Variants in EIF4G3 observed in about 807,000 individuals in gnomAD.
EIF4G3 encodes eukaryotic translation initiation factor 4 gamma 3.
Under a neutral mutation model 186.4 loss-of-function variants are expected in EIF4G3, and 34 were observed. The ratio of observed to expected loss-of-function variants is 0.18; its 90% CI spans 0.14 to 0.24. The LOEUF (loss-of-function observed/expected upper bound fraction) is 0.24, where lower values mean the gene tolerates loss of function less well. EIF4G3 is among the 10% of genes least tolerant of loss of function. The pLI is 1.00. For missense variants in EIF4G3, 1,536 were observed against 1,948.5 expected, an observed-to-expected ratio of 0.79 and a Z score of 3.99; for synonymous variants, 673 against 679.5, an observed-to-expected ratio of 0.99 and a Z score of 0.15.
In EIF4G3 at chr1:20,941,661, G is replaced by A. The variant is rs774669063; in HGVS notation, c.1493C>T (p.Pro498Leu). The A allele has an allele frequency of 3.0e-5, 49 of 1,613,722 alleles. No homozygotes were observed. Among genetic ancestry groups the A allele is most frequent in the Non-Finnish European group, 3.6e-5 (42 of 1,179,946 alleles). ...VPAAATTVSS[P>L]SAAITVQRVL... ...TCTCTGGACTGTGATGGCAGCACTC[G>A]GAGAACTAACAGTAGTGGCAGCAGC... The change falls in exon 14 of 37, where the codon CCG becomes CTG. Residue 498 changes from proline (P) to leucine (L), a missense_variant. Coordinates refer to ENST00000602326, the MANE Select transcript of EIF4G3 (RefSeq NM_001391906.1).
chr1:20,830,372 T>C (rs1224423721), intron 30 of EIF4G3, among the ~76,000 whole-genome samples: 1 of 152,246 alleles, frequency 6.6e-6, no homozygotes, highest in Non-Finnish European at 1.5e-5. Context: ...TCATGAATCC[T>C]TAATTCCAAC....
intron 14 of EIF4G3, among the ~76,000 whole-genome samples, chr1:20,911,389 G>T (rs1330147745): frequency 6.6e-6 from 1 of 151,486 alleles, no homozygotes; most frequent in African/African-American, 2.4e-5. Flanking sequence ...GCAAAAAAGT[G>T]AGACCTCTAC....
At chr1:20,928,325 A>C (rs1398264790) in intron 14 of EIF4G3, among the ~76,000 whole-genome samples, 3 of 152,274 alleles carry the variant, frequency 2.0e-5, no homozygotes, top group East Asian at 3.9e-4. Context: ...GTTCTTGTTG[A>C]AATTTACTTC....
chr1:21,101,224 C>T (rs2096511149), intron 2 of EIF4G3, among the ~76,000 whole-genome samples: 1 of 152,044 alleles, frequency 6.6e-6, no homozygotes, highest in South Asian at 2.1e-4. Context: ...AGGCATGAGC[C>T]ACCGTGCTTG....
In EIF4G3 at chr1:21,152,924, C is replaced by A. The variant is rs576214106; in HGVS notation, c.-272+23251G>T. Among the ~76,000 whole-genome samples the A allele has an allele frequency of 2.2e-4, 34 of 152,164 alleles. 1 individual carries two copies. The highest frequency in any genetic ancestry group is 3.8e-4 in the Non-Finnish European group (26 of 68,038). On this transcript the variant is annotated intron_variant, in intron 2 of 36. Coordinates refer to ENST00000602326, the MANE Select transcript of EIF4G3 (RefSeq NM_001391906.1). ...ATGGCTTGAGGCCAGGAGTTCGAGG[C>A]TACAGTGAGCTGTGACTGTATCTGT...
intron 2 of EIF4G3, among the ~76,000 whole-genome samples, chr1:21,095,708 C>A (rs974340272): frequency 2.0e-5 from 3 of 152,044 alleles, no homozygotes; most frequent in Admixed American, 6.6e-5. Flanking sequence ...AACTCAGATA[C>A]AAGTCAGCAC....
At chr1:20,994,670 C>A (rs12131353) in intron 7 of EIF4G3, among the ~76,000 whole-genome samples, 1 of 146,522 alleles carries the variant, frequency 6.8e-6, no homozygotes, top group Non-Finnish European at 1.5e-5. Context: ...ACTCTTTCAC[C>A]CAGGCTGAGT....
chr1:20,950,083 C>T lies in EIF4G3; in HGVS notation c.743G>A (p.Ser248Asn), dbSNP rs780669868. ...CTCCACAGTCCCATAAACCACAGGG[C>T]TGTGCTCGGGGACCTGGCTGGGCAG... ...QQLPSQVPEH[S>N]PVVYGTVESA... The change falls in exon 13 of 37, where the codon AGC becomes AAC. Residue 248 changes from serine (S) to asparagine (N), a missense_variant. Physicochemically the swap from Ser to Asn is conservative, Grantham distance 46 (BLOSUM62 1). This residue lies in a region of EIF4G3 where 560 missense variants were observed against 547.8 expected (regional missense o/e 1.02). Transcript: ENST00000602326. The T allele has an allele frequency of 1.2e-6, 2 of 1,602,802 alleles. No individual in the cohort carries two copies. The highest frequency in any genetic ancestry group is 1.1e-5 in the South Asian group (1 of 89,364).
intron 2 of EIF4G3, among the ~76,000 whole-genome samples, chr1:21,167,017 A>G (rs919237467): frequency 6.6e-6 from 1 of 152,008 alleles, no homozygotes; most frequent in Non-Finnish European, 1.5e-5. Context: ...CCTGAACTCA[A>G]GCAATCCACC....
intron 24 of EIF4G3, among the ~76,000 whole-genome samples, chr1:20,859,467 T>C (rs1364659552): frequency 6.6e-6 from 1 of 152,232 alleles, no homozygotes; most frequent in Admixed American, 6.5e-5. Flanking sequence ...GTATTTACTA[T>C]CAGCCAGAAA....
In EIF4G3 at chr1:21,011,210, A is replaced by T. The variant is rs549782393; in HGVS notation, c.-66-8402T>A. ...TTCACGACAAATTAAACTTTTTTTT[A>T]AAAAAAAAAAAAGGAAAGAAAAAAA... On this transcript the variant is annotated intron_variant, in intron 4 of 36. Transcript: ENST00000602326. Among the ~76,000 whole-genome samples, 732 of 148,036 alleles carry T rather than the reference A, an allele frequency of 4.9e-3. 4 individuals are homozygous for T. Among genetic ancestry groups the T allele is most frequent in the East Asian group, 6.7e-3 (34 of 5,054 alleles).
chr1:21,157,660 A>C (rs1032302393), intron 2 of EIF4G3, among the ~76,000 whole-genome samples: 12 of 152,054 alleles, frequency 7.9e-5, no homozygotes, highest in African/African-American at 2.9e-4. Flanking sequence ...TATATTCTTC[A>C]ATAGACAGCA....
At chr1:21,137,814 T>TAA (rs2097272429) in intron 2 of EIF4G3, among the ~76,000 whole-genome samples, 1 of 88,380 alleles carries the variant, frequency 1.1e-5, no homozygotes, top group African/African-American at 3.8e-5. Flanking sequence ...AGACCCTGTC[T>TAA]CAAAAAAAAA....
At position 21,001,399 on chromosome 1, in the gene EIF4G3, T is replaced by C. The variant is rs554998997; in HGVS notation, c.31-87A>G. The C allele has an allele frequency of 2.5e-5, 11 of 444,618 alleles. No homozygotes were observed. In the East Asian group the frequency reaches 7.1e-4, roughly 29 times the overall value. The allele number at this position is 444,618 out of a possible 1,614,324, so 27.5% of individuals were successfully genotyped here. A position where few individuals can be genotyped will look rare whatever the true frequency, so the allele number is the denominator to read the frequency against. On this transcript the variant is annotated intron_variant, in intron 5 of 36. Transcript: ENST00000602326. Reference sequence around the variant, plus strand: ...ATGTAAATTTAATTCATTTTCTTTTTTGATAATCAGAAATTAGGGTTGGGG... The same window carrying C: ...ATGTAAATTTAATTCATTTTCTTTTCTGATAATCAGAAATTAGGGTTGGGG...
At chr1:21,153,697 T>A (rs1387037041) in intron 2 of EIF4G3, among the ~76,000 whole-genome samples, 1 of 152,094 alleles carries the variant, frequency 6.6e-6, no homozygotes, top group African/African-American at 2.4e-5. Context: ...CCTGAGTAGC[T>A]GGGATTATAG....
intron 12 of EIF4G3, among the ~76,000 whole-genome samples, chr1:20,964,244 G>A (rs1377248667): frequency 6.6e-6 from 1 of 152,076 alleles, no homozygotes; most frequent in African/African-American, 2.4e-5. Context: ...GAAAAAATAG[G>A]GGTTTTAAGA....
chr1:20,855,188 G>T, intron 25 of EIF4G3, 117 bp from the exon 26 acceptor site: 1 of 707,536 alleles, frequency 1.4e-6, no homozygotes. Flanking sequence ...AATTTGTTTG[G>T]AATGCCAATT....
At chr1:21,062,665 C>T (rs552530634) in intron 3 of EIF4G3, among the ~76,000 whole-genome samples, 41 of 152,298 alleles carry the variant, frequency 2.7e-4, no homozygotes, top group African/African-American at 9.9e-4. Flanking sequence ...TCTTGGCTCA[C>T]TGCAACCACT....
At chr1:20,826,340 T>G (rs2063619289) in intron 32 of EIF4G3, among the ~76,000 whole-genome samples, 2 of 151,486 alleles carry the variant, frequency 1.3e-5, no homozygotes, top group South Asian at 4.2e-4. Flanking sequence ...CTAATTTTTG[T>G]ATTTTTAGTA....
Sources: allele counts gnomAD v4.1 joint callset (sites outside exome capture counted in the v4.1 genomes callset), GRCh38; gene constraint gnomAD v4.1.1; regional missense constraint gnomAD v4.1.1; transcripts MANE v1.5; gene names NCBI Gene and HGNC (gene_info 2026-07-23, HGNC 2026-07-21).